The following DCC variants were observed in gnomAD, a reference collection of about 807,000 sequenced individuals.
The protein encoded by DCC is netrin receptor DCC.
In DCC, 58 loss-of-function variants were observed where a neutral mutation model predicts 172.5. That is an observed-to-expected ratio of 0.34 (90% CI 0.27 to 0.42). The LOEUF (loss-of-function observed/expected upper bound fraction) is 0.42. Ranked by LOEUF, DCC falls within the 10% of genes least tolerant of loss-of-function variation. DCC has a pLI of 1.00. For synonymous variants in DCC, 709 were observed against 644.5 expected (o/e 1.10, Z -1.52); for missense variants, 1,740 against 1,791.0 (o/e 0.97, Z 0.51).
intron 22 of DCC, among the ~76,000 whole-genome samples, chr18:53,446,676 T>A (rs8095058): frequency 6.6e-6 from 1 of 152,038 alleles, no homozygotes; most frequent in East Asian, 1.9e-4. Flanking sequence ...ACTCACAGTG[T>A]TTTCATGGCC....
At chr18:52,612,304 C>A (rs1031039677) in intron 1 of DCC, among the ~76,000 whole-genome samples, 3 of 152,156 alleles carry the variant, frequency 2.0e-5, no homozygotes, top group Non-Finnish European at 2.9e-5. Flanking sequence ...TCTCTCCCCC[C>A]ATCCCCTGCC....
intron 2 of DCC, among the ~76,000 whole-genome samples, chr18:52,819,067 A>C (rs1191923237): frequency 6.6e-6 from 1 of 152,238 alleles, no homozygotes; most frequent in Admixed American, 6.5e-5. Context: ...TATAATCTCT[A>C]AACTTAGAGA....
intron 1 of DCC, among the ~76,000 whole-genome samples, chr18:52,555,577 A>G (rs971011349): frequency 6.6e-6 from 1 of 152,114 alleles, no homozygotes; most frequent in Non-Finnish European, 1.5e-5. Flanking sequence ...TACAGTGGCA[A>G]AAAGAATATA....
chr18:52,918,985 C>T (rs954650873), intron 3 of DCC, among the ~76,000 whole-genome samples: 3 of 152,086 alleles, frequency 2.0e-5, no homozygotes. Flanking sequence ...TTTATATGAA[C>T]AGTTTCTCTG....
rs2042560075 is a variant in DCC, at chr18:53,065,981, G to T, written c.1141-65G>T. On this transcript the variant is annotated intron_variant, in intron 6 of 28. Coordinates refer to ENST00000442544, the MANE Select transcript of DCC (RefSeq NM_005215.4). ...TTTATCAAACTTTGGTCTCATCTAA[G>T]TTCATTTTGTCACCTTGCATTTTTT... The T allele has an allele frequency of 4.4e-6, 7 of 1,601,028 alleles. No individual in the cohort carries two copies. In the East Asian group the frequency reaches 1.6e-4, roughly 36 times the overall value.
At chr18:52,365,393 A>C (rs973763927) in intron 1 of DCC, among the ~76,000 whole-genome samples, 1 of 152,274 alleles carries the variant, frequency 6.6e-6, no homozygotes, top group Non-Finnish European at 1.5e-5. Flanking sequence ...CAAGTAACAC[A>C]TGATTACTTA....
At chr18:52,813,075 TAAAG>T (rs974321093) in intron 2 of DCC, among the ~76,000 whole-genome samples, 2 of 152,206 alleles carry the variant, frequency 1.3e-5, no homozygotes, top group African/African-American at 4.8e-5. Context: ...AGCTATGTTT[TAAAG>T]AAAATAAAAT....
chr18:52,801,565 GTCTA>G (rs1389079823), intron 2 of DCC, among the ~76,000 whole-genome samples: 3 of 152,114 alleles, frequency 2.0e-5, no homozygotes, highest in Non-Finnish European at 2.9e-5. Context: ...ATAATTAAAA[GTCTA>G]TCTATGTTTC....
chr18:53,185,095 C>A (rs1057363232), intron 9 of DCC, among the ~76,000 whole-genome samples: 4 of 152,022 alleles, frequency 2.6e-5, no homozygotes, highest in African/African-American at 9.7e-5. Flanking sequence ...TGGTAGCATA[C>A]AAATACATTA....
intron 15 of DCC, among the ~76,000 whole-genome samples, chr18:53,351,301 A>ATATATATATATATATATATATACACAGTG (rs1568074457): frequency 6.8e-5 from 2 of 29,546 alleles, no homozygotes; most frequent in African/African-American, 1.3e-4. Flanking sequence ...GTATATATAT[A>ATATATATATATATATATATATACACAGTG]TATATATATA....
intron 2 of DCC, among the ~76,000 whole-genome samples, chr18:52,807,997 G>T (rs1021849479): frequency 1.3e-5 from 2 of 152,092 alleles, no homozygotes; most frequent in African/African-American, 4.8e-5. Flanking sequence ...ATGGCTCAGG[G>T]GCCTTGGCTC....
At chr18:53,509,572 G>A (rs890818048) in intron 27 of DCC, among the ~76,000 whole-genome samples, 4 of 152,154 alleles carry the variant, frequency 2.6e-5, no homozygotes, top group African/African-American at 9.7e-5. Context: ...GAACAGATTG[G>A]ATGCTCTTAA....
At chr18:53,195,158 C>G (rs539949812) in intron 9 of DCC, among the ~76,000 whole-genome samples, 2 of 152,210 alleles carry the variant, frequency 1.3e-5, no homozygotes, top group African/African-American at 4.8e-5. Context: ...GGTTTTTTGA[C>G]TCAGGAATCA....
chr18:52,667,892 C>G (rs1196195625), intron 1 of DCC, among the ~76,000 whole-genome samples: 2 of 152,136 alleles, frequency 1.3e-5, no homozygotes, highest in African/African-American at 4.8e-5. Context: ...AATGGAAAAC[C>G]ACTTCAAAGT....
At chr18:53,422,572 C>T (rs896738133) in intron 21 of DCC, among the ~76,000 whole-genome samples, 6 of 152,146 alleles carry the variant, frequency 3.9e-5, no homozygotes, top group African/African-American at 1.2e-4. Context: ...CTTTGTCTTT[C>T]CTTAATAGGG....
chr18:52,865,848 C>G (rs758663120), intron 2 of DCC, among the ~76,000 whole-genome samples: 1 of 152,008 alleles, frequency 6.6e-6, no homozygotes, highest in Non-Finnish European at 1.5e-5. Context: ...ATTCGAATAC[C>G]CTGTTCACTC....
chr18:52,595,400 T>C (rs2033888790), intron 1 of DCC, among the ~76,000 whole-genome samples: 3 of 152,222 alleles, frequency 2.0e-5, no homozygotes, highest in African/African-American at 7.2e-5. Context: ...CTCATTATAA[T>C]AGTTTTCCTG....
At chr18:53,264,158 A>C (rs2056639205) in intron 12 of DCC, among the ~76,000 whole-genome samples, 1 of 152,150 alleles carries the variant, frequency 6.6e-6, no homozygotes, top group Non-Finnish European at 1.5e-5. Flanking sequence ...TGTCAACATG[A>C]AATTATTTTA....
intron 12 of DCC, among the ~76,000 whole-genome samples, chr18:53,284,921 G>A (rs2056918769): frequency 6.6e-6 from 1 of 152,142 alleles, no homozygotes; most frequent in African/African-American, 2.4e-5. Flanking sequence ...GAGACTGGCA[G>A]CATTTTGCCC....
Sources: gnomAD v4.1 joint callset for allele counts (sites outside exome capture counted in the v4.1 genomes callset) on GRCh38, gnomAD v4.1.1 for gene constraint, MANE v1.5 for transcripts, NCBI Gene and HGNC (gene_info 2026-07-23, HGNC 2026-07-21) for gene names.